Variants in NKAIN2 observed in about 807,000 individuals in gnomAD.
The protein encoded by NKAIN2 is sodium/potassium transporting ATPase interacting 2.
Under a neutral mutation model 32.6 loss-of-function variants are expected in NKAIN2, and 14 were observed. That is an observed-to-expected ratio of 0.43 (90% CI 0.28 to 0.67). The LOEUF is 0.67. Among genes scored for constraint, NKAIN2 ranks in the 30% least tolerant of loss-of-function variants. The pLI is 0.17. For synonymous variants in NKAIN2, 80 were observed against 87.2 expected (o/e 0.92, Z 0.46); for missense variants, 198 against 258.3 (o/e 0.77, Z 1.60).
At chr6:124,511,949 G>A (rs756488699) in intron 3 of NKAIN2, among the ~76,000 whole-genome samples, 6 of 152,046 alleles carry the variant, frequency 3.9e-5, no homozygotes, top group Non-Finnish European at 7.4e-5. Context: ...TGGTTCTTTC[G>A]ATGTATTTAT....
At chr6:124,605,754 G>A (rs993199419) in intron 3 of NKAIN2, among the ~76,000 whole-genome samples, 7 of 151,988 alleles carry the variant, frequency 4.6e-5, no homozygotes, top group Admixed American at 3.3e-4. Context: ...AGGACAGGCT[G>A]CCATGGCTAC....
chr6:123,828,523 T>C (rs1485233354), intron 1 of NKAIN2, among the ~76,000 whole-genome samples: 1 of 152,196 alleles, frequency 6.6e-6, no homozygotes, highest in African/African-American at 2.4e-5. Flanking sequence ...CTATTTAATA[T>C]CACAAACCTG....
rs141825440 is a variant in NKAIN2 at position 124,062,175 on chromosome 6, G to T, written c.55-220830G>T. ...TTGCTAACCTATTTTTTTCAATTAAGTTTATGGCCTACATTGTTTTGTATA... is the reference window on the plus strand; with the variant it reads ...TTGCTAACCTATTTTTTTCAATTAATTTTATGGCCTACATTGTTTTGTATA... On this transcript the variant is annotated intron_variant, in intron 1 of 6. Coordinates refer to ENST00000368417, the MANE Select transcript of NKAIN2 (RefSeq NM_001040214.3). Among the ~76,000 whole-genome samples the T allele has an allele frequency of 6.6e-5, 10 of 151,948 alleles. No individual in the cohort carries two copies. The East Asian group carries it at 1.7e-3, about 26-fold the overall frequency.
At chr6:124,137,461 T>A (rs1197515863) in intron 1 of NKAIN2, among the ~76,000 whole-genome samples, 2 of 152,044 alleles carry the variant, frequency 1.3e-5, no homozygotes, top group Admixed American at 1.3e-4. Context: ...TTCAGTACAA[T>A]TCCTATCAAA....
chr6:123,848,621 T>C (rs1775190276), intron 1 of NKAIN2, among the ~76,000 whole-genome samples: 1 of 152,184 alleles, frequency 6.6e-6, no homozygotes, highest in African/African-American at 2.4e-5. Flanking sequence ...TTCAACCTCT[T>C]TCCTTTATAA....
At chr6:124,641,959 C>T (rs1784010186) in intron 3 of NKAIN2, among the ~76,000 whole-genome samples, 2 of 152,104 alleles carry the variant, frequency 1.3e-5, no homozygotes, top group African/African-American at 4.8e-5. Context: ...TTTATAAACT[C>T]TTTCCTGAAT....
At chr6:124,027,058 G>C (rs559141095) in intron 1 of NKAIN2, among the ~76,000 whole-genome samples, 1 of 151,614 alleles carries the variant, frequency 6.6e-6, no homozygotes, top group African/African-American at 2.4e-5. Flanking sequence ...GACAACTCAT[G>C]AAGTGCCTAC....
chr6:124,414,771 A>G (rs1774383269), intron 3 of NKAIN2, among the ~76,000 whole-genome samples: 1 of 152,170 alleles, frequency 6.6e-6, no homozygotes, highest in Admixed American at 6.5e-5. Context: ...TTTATTTAAT[A>G]AGTATTGAAT....
intron 1 of NKAIN2, among the ~76,000 whole-genome samples, chr6:123,852,158 C>T (rs1426009507): frequency 6.6e-6 from 1 of 152,138 alleles, no homozygotes; most frequent in African/African-American, 2.4e-5. Context: ...TTTCATTTTT[C>T]TGCATGTGGA....
chr6:123,897,356 C>T (rs955751713), intron 1 of NKAIN2, among the ~76,000 whole-genome samples: 1 of 152,134 alleles, frequency 6.6e-6, no homozygotes, highest in Non-Finnish European at 1.5e-5. Flanking sequence ...CGAACACTGT[C>T]AAAGTTTTCT....
intron 3 of NKAIN2, among the ~76,000 whole-genome samples, chr6:124,425,635 C>G (rs1774949444): frequency 6.6e-6 from 1 of 152,016 alleles, no homozygotes; most frequent in African/African-American, 2.4e-5. Context: ...TAAAAATTGG[C>G]AAAGGACCTG....
rs1238970117 is a variant in NKAIN2, at chr6:124,634,138, G to GA, written c.274-24042dup. On this transcript the variant is annotated intron_variant, in intron 3 of 6. Coordinates refer to ENST00000368417, the MANE Select transcript of NKAIN2 (RefSeq NM_001040214.3). ...CTAGAAAAGGTTCTCCATACAACTGGAAAAAATAACGGTTTCACCAGATGT... is the reference window on the plus strand; with the variant it reads ...CTAGAAAAGGTTCTCCATACAACTGGAAAAAAATAACGGTTTCACCAGATGT... Among the ~76,000 whole-genome samples, 3 of 151,612 alleles carry GA rather than the reference G, an allele frequency of 2.0e-5. No individual in the cohort carries two copies. The East Asian group carries it at 5.8e-4, about 29-fold the overall frequency.
chr6:124,644,259 T>C (rs1562301626), intron 3 of NKAIN2, among the ~76,000 whole-genome samples: 1 of 152,160 alleles, frequency 6.6e-6, no homozygotes, highest in Non-Finnish European at 1.5e-5. Flanking sequence ...TTTATCACTA[T>C]GCTGATGAGA....
At chr6:124,226,335 T>C (rs905307718) in intron 1 of NKAIN2, among the ~76,000 whole-genome samples, 2 of 152,018 alleles carry the variant, frequency 1.3e-5, no homozygotes, top group African/African-American at 4.8e-5. Context: ...TATTTGTATA[T>C]AAAGTTTATA....
chr6:123,843,260 T>C (rs563657078), intron 1 of NKAIN2, among the ~76,000 whole-genome samples: 2 of 152,144 alleles, frequency 1.3e-5, no homozygotes, highest in African/African-American at 2.4e-5. Flanking sequence ...CACAAATGGA[T>C]TGAAGGGTGG....
intron 4 of NKAIN2, among the ~76,000 whole-genome samples, chr6:124,716,787 CTATATA>C (rs1562342052): frequency 6.6e-6 from 1 of 151,416 alleles, no homozygotes; most frequent in African/African-American, 2.4e-5. Flanking sequence ...ATCTAACATA[CTATATA>C]GTTTACTAAT....
chr6:123,948,100 ATTCTT>A (rs1777153150), intron 1 of NKAIN2, among the ~76,000 whole-genome samples: 1 of 152,052 alleles, frequency 6.6e-6, no homozygotes, highest in Non-Finnish European at 1.5e-5. Context: ...ACATGATTTC[ATTCTT>A]TTCTTATGGC....
At chr6:123,976,647 A>T (rs552220528) in intron 1 of NKAIN2, among the ~76,000 whole-genome samples, 16 of 151,634 alleles carry the variant, frequency 1.1e-4, no homozygotes, top group Non-Finnish European at 2.2e-4. Flanking sequence ...ACTGATTTAA[A>T]TGATAATCTC....
rs374936440 is a variant in NKAIN2 at position 124,320,392 on chromosome 6, A to C, written c.193-34875A>C. Among the ~76,000 whole-genome samples the C allele has an allele frequency of 2.6e-5, 4 of 152,332 alleles. No individual in the cohort carries two copies. In the East Asian group the frequency reaches 5.8e-4, roughly 22 times the overall value. ...TTCTTCTTTGAAATATCTTTAAAAT[A>C]AGAGATAAAAAGCATTTGAATAATG... On this transcript the variant is annotated intron_variant, in intron 2 of 6. Coordinates refer to ENST00000368417, the MANE Select transcript of NKAIN2 (RefSeq NM_001040214.3).
Sources: allele counts gnomAD v4.1 joint callset (sites outside exome capture counted in the v4.1 genomes callset), GRCh38; gene constraint gnomAD v4.1.1; transcripts MANE v1.5; gene names NCBI Gene and HGNC (gene_info 2026-07-23, HGNC 2026-07-21).